GRM5: variants seen among roughly 807,000 people sequenced by gnomAD.
The protein encoded by GRM5 is glutamate metabotropic receptor 5, also known as metabotropic glutamate receptor 5.
A neutral mutation model predicts 83.1 loss-of-function variants in GRM5; 19 were observed. The ratio of observed to expected loss-of-function variants is 0.23; its 90% CI spans 0.16 to 0.34. The LOEUF (loss-of-function observed/expected upper bound fraction) is 0.34. GRM5 is among the 10% of genes least tolerant of loss of function. The pLI is 1.00. For missense variants in GRM5, 1,160 were observed against 1,588.3 expected (o/e 0.73, Z 4.58); for synonymous variants, 675 against 633.6 (o/e 1.07, Z -0.98).
At chr11:88,950,894 C>T (rs2135678816) in intron 2 of GRM5, among the ~76,000 whole-genome samples, 1 of 152,286 alleles carries the variant, frequency 6.6e-6, no homozygotes, top group Non-Finnish European at 1.5e-5. Flanking sequence ...GGAGATACTA[C>T]TTGTGAGAGA....
intron 8 of GRM5, among the ~76,000 whole-genome samples, chr11:88,537,403 G>A (rs560068781): frequency 1.3e-5 from 2 of 152,088 alleles, no homozygotes; most frequent in African/African-American, 4.8e-5. Context: ...AATCAGTTTC[G>A]ATGTGTGGGA....
chr11:88,848,116 A>G (rs1476869429), intron 3 of GRM5, among the ~76,000 whole-genome samples: 3 of 152,186 alleles, frequency 2.0e-5, no homozygotes, highest in African/African-American at 4.8e-5. Flanking sequence ...TTTTTACTGC[A>G]GTGGTAACAC....
At chr11:88,678,950 G>A (rs1428793108) in intron 3 of GRM5, among the ~76,000 whole-genome samples, 1 of 152,014 alleles carries the variant, frequency 6.6e-6, no homozygotes, top group African/African-American at 2.4e-5. Context: ...CAGTGAATGA[G>A]GAGGATAGTG....
At chr11:89,052,965 A>T (rs1316372237) in intron 1 of GRM5, among the ~76,000 whole-genome samples, 1 of 152,186 alleles carries the variant, frequency 6.6e-6, no homozygotes. Context: ...GCTAGAATTT[A>T]TGTCTATGCC....
At chr11:88,901,634 G>C (rs1945316958) in intron 2 of GRM5, among the ~76,000 whole-genome samples, 1 of 152,016 alleles carries the variant, frequency 6.6e-6, no homozygotes, top group African/African-American at 2.4e-5. Context: ...AAGTGCCAGG[G>C]AATTTTGCCA....
chr11:88,781,135 A>G (rs1194717530), intron 3 of GRM5, among the ~76,000 whole-genome samples: 5 of 147,426 alleles, frequency 3.4e-5, no homozygotes, highest in Non-Finnish European at 7.5e-5. Context: ...ATGTATATAT[A>G]TATATATATA....
chr11:89,054,649 A>T (rs1026712083), intron 1 of GRM5, among the ~76,000 whole-genome samples: 1 of 152,212 alleles, frequency 6.6e-6, no homozygotes, highest in African/African-American at 2.4e-5. Context: ...TCCAAGGTTC[A>T]ATGGTAAGGA....
At chr11:88,658,785 A>G (rs1939832261) in intron 3 of GRM5, among the ~76,000 whole-genome samples, 1 of 152,188 alleles carries the variant, frequency 6.6e-6, no homozygotes, top group African/African-American at 2.4e-5. Context: ...GTGAATATGG[A>G]GCATTGCAGC....
At chr11:88,987,087 A>G (rs1318627749) in intron 2 of GRM5, among the ~76,000 whole-genome samples, 1 of 151,958 alleles carries the variant, frequency 6.6e-6, no homozygotes, top group East Asian at 2.0e-4. Flanking sequence ...CTGCATTTCC[A>G]TCTGAGGTAC....
intron 3 of GRM5, among the ~76,000 whole-genome samples, chr11:88,731,218 TC>T (rs1289816143): frequency 6.6e-6 from 1 of 152,052 alleles, no homozygotes; most frequent in East Asian, 1.9e-4. Flanking sequence ...TGCCCACTTC[TC>T]CAGCTTCATA....
chr11:88,570,334 A>G (rs1332389638), intron 7 of GRM5, among the ~76,000 whole-genome samples: 1 of 151,838 alleles, frequency 6.6e-6, no homozygotes, highest in Non-Finnish European at 1.5e-5. Context: ...ATAACTAAAT[A>G]CAAAACAGTT....
chr11:88,583,619 C>G (rs1416834204), intron 7 of GRM5, among the ~76,000 whole-genome samples: 1 of 152,180 alleles, frequency 6.6e-6, no homozygotes, highest in Non-Finnish European at 1.5e-5. Context: ...TAAGCCCCAC[C>G]TGTAAGTGTT....
intron 2 of GRM5, among the ~76,000 whole-genome samples, chr11:88,994,960 G>C (rs1489282058): frequency 6.6e-6 from 1 of 152,022 alleles, no homozygotes; most frequent in African/African-American, 2.4e-5. Context: ...TAACTAAAAT[G>C]AAATTATTTA....
intron 2 of GRM5, among the ~76,000 whole-genome samples, chr11:88,960,955 A>G (rs184414008): frequency 6.6e-6 from 1 of 152,334 alleles, no homozygotes; most frequent in East Asian, 1.9e-4. Context: ...ATTGATAAGA[A>G]AACAAGTTCA....
intron 3 of GRM5, among the ~76,000 whole-genome samples, chr11:88,667,979 T>G (rs973584110): frequency 1.1e-4 from 17 of 151,996 alleles, no homozygotes; most frequent in African/African-American, 4.1e-4. Flanking sequence ...TATGAACACT[T>G]GGCAACAATG....
At position 88,736,303 on chromosome 11, in the gene GRM5, G is replaced by A. The variant is rs531123144; in HGVS notation, c.912-82900C>T. ...TTTGGATACAGAAACTGACTTCTGC[G>A]GGATCTTTGTGTTTTAATGTGCAAA... On this transcript the variant is annotated intron_variant, in intron 3 of 9. Transcript: ENST00000305447. 3.3e-5 allele frequency among the ~76,000 whole-genome samples: 5 copies of A among 152,098 alleles called. No individual in the cohort carries two copies. In the South Asian group the frequency reaches 8.3e-4, roughly 25 times the overall value.
intron 2 of GRM5, among the ~76,000 whole-genome samples, chr11:88,999,937 A>G (rs2135066741): frequency 6.6e-6 from 1 of 152,340 alleles, no homozygotes; most frequent in Non-Finnish European, 1.5e-5. Flanking sequence ...TGTCCTTTGT[A>G]GGGACATGGA....
At chr11:88,986,728 T>TA (rs1491325733) in intron 2 of GRM5, among the ~76,000 whole-genome samples, 2 of 11,164 alleles carry the variant, frequency 1.8e-4, no homozygotes, top group Non-Finnish European at 3.1e-4. Context: ...TTATTTTTGC[T>TA]TTTTTTTTTT....
intron 9 of GRM5, among the ~76,000 whole-genome samples, chr11:88,523,455 A>C (rs911333816): frequency 6.6e-6 from 1 of 152,164 alleles, no homozygotes; most frequent in Non-Finnish European, 1.5e-5. Flanking sequence ...GAATTATGCT[A>C]CTTTGTTATA....
Sources: allele counts gnomAD v4.1 joint callset (sites outside exome capture counted in the v4.1 genomes callset), GRCh38; gene constraint gnomAD v4.1.1; transcripts MANE v1.5; gene names NCBI Gene and HGNC (gene_info 2026-07-23, HGNC 2026-07-21).